CCDC178: variants seen among roughly 807,000 people sequenced by gnomAD.
CCDC178 encodes the protein coiled-coil domain containing 178, also known as coiled-coil domain-containing protein 178.
A neutral mutation model predicts 117.4 loss-of-function variants in CCDC178; 126 were observed. That is an observed-to-expected ratio of 1.07 (90% CI 0.93 to 1.24). The LOEUF (loss-of-function observed/expected upper bound fraction) is 1.24, where lower values mean the gene tolerates loss of function less well. Among genes scored for constraint, CCDC178 ranks in the 50% most tolerant of loss-of-function variants. The probability of loss-of-function intolerance (pLI) is 0.00; values close to 1 mark genes in which losing one functional copy is unlikely to be tolerated. For missense variants in CCDC178, 1,030 were observed against 986.9 expected (o/e 1.04, Z -0.59); for synonymous variants, 283 against 313.4 (o/e 0.90, Z 1.02).
intron 17 of CCDC178, among the ~76,000 whole-genome samples, chr18:33,224,208 A>C (rs1405769442): frequency 6.6e-6 from 1 of 152,198 alleles, no homozygotes; most frequent in East Asian, 1.9e-4. Context: ...AAGGACAAGA[A>C]TGTATAACTC....
chr18:33,222,080 T>C (rs1160077599), intron 18 of CCDC178, among the ~76,000 whole-genome samples: 1 of 152,136 alleles, frequency 6.6e-6, no homozygotes, highest in African/African-American at 2.4e-5. Flanking sequence ...AAATGTGATA[T>C]TTTATAGTTT....
At chr18:33,025,641 G>T (rs1404811527) in intron 21 of CCDC178, among the ~76,000 whole-genome samples, 1 of 152,154 alleles carries the variant, frequency 6.6e-6, no homozygotes, top group Non-Finnish European at 1.5e-5. Flanking sequence ...CACATGAAGA[G>T]ATGCCCAACA....
At chr18:33,290,925 A>C (rs1158646635) in intron 12 of CCDC178, among the ~76,000 whole-genome samples, 1 of 152,166 alleles carries the variant, frequency 6.6e-6, no homozygotes, top group Non-Finnish European at 1.5e-5. Flanking sequence ...AACTCACTTC[A>C]CATTACACCC....
At chr18:33,225,501 G>T (rs1435764900) in intron 16 of CCDC178, among the ~76,000 whole-genome samples, 1 of 152,090 alleles carries the variant, frequency 6.6e-6, no homozygotes, top group Admixed American at 6.5e-5. Context: ...TTGTTAGAAG[G>T]AATGAGAGAA....
chr18:33,205,647 C>T (rs2059037356), intron 20 of CCDC178, among the ~76,000 whole-genome samples: 1 of 152,172 alleles, frequency 6.6e-6, no homozygotes, highest in East Asian at 1.9e-4. Context: ...ATTTCATTGA[C>T]TTATTTGCTC....
At chr18:33,093,871 C>T (rs1310176921) in intron 20 of CCDC178, among the ~76,000 whole-genome samples, 1 of 151,796 alleles carries the variant, frequency 6.6e-6, no homozygotes, top group African/African-American at 2.4e-5. Flanking sequence ...CATATAAATG[C>T]AGATTAATCA....
intron 20 of CCDC178, among the ~76,000 whole-genome samples, chr18:33,111,612 T>TC (rs1415327223): frequency 6.6e-6 from 1 of 151,614 alleles, no homozygotes; most frequent in Non-Finnish European, 1.5e-5. Context: ...CTGCTATTTT[T>TC]CTCCATGGAT....
intron 22 of CCDC178, among the ~76,000 whole-genome samples, chr18:32,943,449 CT>C (rs943189530): frequency 4.6e-5 from 7 of 151,748 alleles, no homozygotes; most frequent in African/African-American, 1.7e-4. Flanking sequence ...ACTAGTGCTT[CT>C]TTTTTTTCCT....
At chr18:33,355,517 C>T (rs543771243) in intron 7 of CCDC178, among the ~76,000 whole-genome samples, 1 of 152,224 alleles carries the variant, frequency 6.6e-6, no homozygotes, top group Non-Finnish European at 1.5e-5. Flanking sequence ...CATGCAGATC[C>T]TAAAGGTCAG....
chr18:33,183,828 T>C (rs953910097), intron 20 of CCDC178, among the ~76,000 whole-genome samples: 16 of 152,112 alleles, frequency 1.1e-4, no homozygotes, highest in Admixed American at 6.6e-5. Context: ...CTCTGATCTA[T>C]AGAATTTTCA....
At chr18:33,102,056 A>G (rs368795014) in intron 20 of CCDC178, among the ~76,000 whole-genome samples, 8 of 152,038 alleles carry the variant, frequency 5.3e-5, no homozygotes, top group African/African-American at 1.9e-4. Context: ...AGGTACATGG[A>G]GTAGAAAATT....
At chr18:33,282,519 T>G (rs527607919) in intron 12 of CCDC178, among the ~76,000 whole-genome samples, 1 of 152,250 alleles carries the variant, frequency 6.6e-6, no homozygotes, top group South Asian at 2.1e-4. Flanking sequence ...CCATACTTGC[T>G]TATAGGGCAG....
chr18:33,130,030 A>G (rs1432796001), intron 20 of CCDC178, among the ~76,000 whole-genome samples: 1 of 152,014 alleles, frequency 6.6e-6, no homozygotes, highest in East Asian at 1.9e-4. Context: ...TTCACAGAGA[A>G]ACAGATTCAT....
intron 7 of CCDC178, among the ~76,000 whole-genome samples, chr18:33,350,420 C>T (rs1173117161): frequency 6.6e-6 from 1 of 152,100 alleles, no homozygotes; most frequent in Non-Finnish European, 1.5e-5. Flanking sequence ...ACATATGCTA[C>T]TTATTAAGCA....
At chr18:33,309,793 G>C (rs1371716277) in intron 11 of CCDC178, among the ~76,000 whole-genome samples, 1 of 151,924 alleles carries the variant, frequency 6.6e-6, no homozygotes, top group Non-Finnish European at 1.5e-5. Context: ...TAAAAACTAA[G>C]TAGGAAAGAC....
At chr18:33,404,538 A>G (rs1375049826) in intron 3 of CCDC178, among the ~76,000 whole-genome samples, 2 of 152,140 alleles carry the variant, frequency 1.3e-5, no homozygotes, top group East Asian at 1.9e-4. Flanking sequence ...TTCTGTGGAA[A>G]GCAATTTGGC....
intron 11 of CCDC178, among the ~76,000 whole-genome samples, chr18:33,314,756 C>G (rs866697264): frequency 6.6e-6 from 1 of 152,136 alleles, no homozygotes; most frequent in African/African-American, 2.4e-5. Context: ...CCTAAATATA[C>G]GAGCCCATAT....
chr18:33,236,838 TG>T (rs1298899527), intron 15 of CCDC178, among the ~76,000 whole-genome samples: 1 of 152,090 alleles, frequency 6.6e-6, no homozygotes, highest in Non-Finnish European at 1.5e-5. Flanking sequence ...CTGAATCAGA[TG>T]GGCCCAAAAC....
intron 14 of CCDC178, among the ~76,000 whole-genome samples, chr18:33,261,988 A>G (rs1268984532): frequency 6.6e-6 from 1 of 151,982 alleles, no homozygotes. Flanking sequence ...TTTCTCTTAT[A>G]TTTTCTAAGT....
Sources: gnomAD v4.1 joint callset for allele counts (sites outside exome capture counted in the v4.1 genomes callset) on GRCh38, gnomAD v4.1.1 for gene constraint, MANE v1.5 for transcripts, NCBI Gene and HGNC (gene_info 2026-07-23, HGNC 2026-07-21) for gene names.